The following KIAA1671 variants were observed in gnomAD, a reference collection of about 807,000 sequenced individuals.
KIAA1671 encodes the protein uncharacterized protein KIAA1671.
In KIAA1671, 52 loss-of-function variants were observed where a neutral mutation model predicts 131.2. The observed-to-expected ratio is 0.40, with a 90% CI of 0.32 to 0.50. The LOEUF (loss-of-function observed/expected upper bound fraction) is 0.50, where lower values mean the gene tolerates loss of function less well. KIAA1671 is among the 20% of genes least tolerant of loss of function. The probability of loss-of-function intolerance (pLI) is 0.73; values close to 1 mark genes in which losing one functional copy is unlikely to be tolerated. For synonymous variants in KIAA1671, 1,003 were observed against 961.6 expected (o/e 1.04, Z -0.80); for missense variants, 2,360 against 2,364.2 (o/e 1.00, Z 0.04).
intron 6 of KIAA1671, among the ~76,000 whole-genome samples, chr22:25,149,284 C>T (rs1932961433): frequency 6.6e-6 from 1 of 152,212 alleles, no homozygotes; most frequent in African/African-American, 2.4e-5. Context: ...GCCTGCTGAC[C>T]TGGGGTTCCT....
chr22:25,182,590 A>AT (rs1934331955), intron 10 of KIAA1671, among the ~76,000 whole-genome samples: 1 of 152,184 alleles, frequency 6.6e-6, no homozygotes, highest in Admixed American at 6.5e-5. Flanking sequence ...AAATTAGGAA[A>AT]TTGGCTTCTA....
intron 6 of KIAA1671, among the ~76,000 whole-genome samples, chr22:25,071,147 A>G (rs1928797294): frequency 1.3e-5 from 2 of 152,228 alleles, no homozygotes; most frequent in South Asian, 2.1e-4. Context: ...TGTGACATCC[A>G]TCAGGGCTCT....
At chr22:25,032,403 T>C (rs1602083328) in intron 3 of KIAA1671, among the ~76,000 whole-genome samples, 1 of 152,218 alleles carries the variant, frequency 6.6e-6, no homozygotes, top group African/African-American at 2.4e-5. Context: ...GACTAGCACC[T>C]GGGTGTCTTC....
At chr22:25,121,979 A>G (rs931241117) in intron 6 of KIAA1671, among the ~76,000 whole-genome samples, 2 of 152,154 alleles carry the variant, frequency 1.3e-5, no homozygotes, top group African/African-American at 4.8e-5. Context: ...GAATTGTGGG[A>G]TCTGGGAGTT....
At chr22:25,142,892 GTGAA>G (rs1476206912) in intron 6 of KIAA1671, among the ~76,000 whole-genome samples, 1 of 152,112 alleles carries the variant, frequency 6.6e-6, no homozygotes. Context: ...AATAAACCAG[GTGAA>G]TGAATCCAAG....
At chr22:25,113,893 C>T (rs1186165654) in intron 6 of KIAA1671, among the ~76,000 whole-genome samples, 1 of 152,170 alleles carries the variant, frequency 6.6e-6, no homozygotes, top group Non-Finnish European at 1.5e-5. Context: ...TTCTGCCTTG[C>T]TCTGTCTCTG....
rs1180910318 is a variant in KIAA1671 at position 25,196,796 on chromosome 22, G to T, written c.*4395G>T. 5 of 151,718 alleles carry T rather than the reference G, an allele frequency of 3.3e-5. No individual in the cohort carries two copies. Among genetic ancestry groups the T allele is most frequent in the Middle Eastern group, 3.2e-3 (1 of 314 alleles). 9.4% of individuals were successfully genotyped at this position (151,718 alleles called of 1,614,324 possible). A position where few individuals can be genotyped will look rare whatever the true frequency, so the allele number is the denominator to read the frequency against. On this transcript the variant is annotated 3_prime_UTR_variant, in exon 13 of 13. Transcript: ENST00000358431. ...CCTTATAGATCCTGTAAATAGGGGG[G>T]GTCACAAAAGTAATATATTGTGTTA...
intron 1 of KIAA1671, among the ~76,000 whole-genome samples, chr22:25,009,447 A>G (rs1438437950): frequency 1.3e-5 from 2 of 149,650 alleles, no homozygotes; most frequent in Non-Finnish European, 3.0e-5. Context: ...GTATTTTTAG[A>G]AGAGATGGGG....
chr22:24,991,345 A>G (rs901341141), intron 1 of KIAA1671, among the ~76,000 whole-genome samples: 7 of 151,804 alleles, frequency 4.6e-5, no homozygotes, highest in African/African-American at 1.7e-4. Context: ...ATTTTTAGGA[A>G]TGTCCCCTCT....
At chr22:25,076,301 G>C (rs1929106092) in intron 6 of KIAA1671, among the ~76,000 whole-genome samples, 1 of 151,966 alleles carries the variant, frequency 6.6e-6, no homozygotes, top group African/African-American at 2.4e-5. Flanking sequence ...TTATTCCCAG[G>C]TGTTTATTGT....
At chr22:25,011,851 G>C (rs1168557928) in intron 1 of KIAA1671, 1 of 152,042 alleles carries the variant, frequency 6.6e-6, no homozygotes, top group Non-Finnish European at 1.5e-5. Flanking sequence ...TGGCCAGGCT[G>C]TTCTTGAACT....
At chr22:24,977,910 T>G (rs773156950) in intron 1 of KIAA1671, among the ~76,000 whole-genome samples, 21 of 152,182 alleles carry the variant, frequency 1.4e-4, no homozygotes, top group Non-Finnish European at 2.6e-4. Flanking sequence ...GCTAAAAATG[T>G]CCCTGGACCT....
chr22:24,995,046 G>GT (rs199745960), intron 1 of KIAA1671, among the ~76,000 whole-genome samples: 391 of 136,446 alleles, frequency 2.9e-3, no homozygotes, highest in Middle Eastern at 3.9e-3. Context: ...TGTATGTTAG[G>GT]TTTTTTTTTT....
intron 12 of KIAA1671, 131 bp downstream of exon 12, chr22:25,190,915 A>C: frequency 1.5e-5 from 8 of 549,088 alleles, no homozygotes; most frequent in Non-Finnish European, 1.3e-5. Context: ...GGGAAGAATG[A>C]GGGGTGGGGG....
chr22:25,098,184 GAGC>G (rs1930482750), intron 6 of KIAA1671, among the ~76,000 whole-genome samples: 1 of 152,204 alleles, frequency 6.6e-6, no homozygotes, highest in African/African-American at 2.4e-5. Flanking sequence ...TTGGAGGAGA[GAGC>G]AGCAGAGAAG....
intron 6 of KIAA1671, among the ~76,000 whole-genome samples, chr22:25,165,265 A>T (rs1304860650): frequency 6.6e-6 from 1 of 152,206 alleles, no homozygotes; most frequent in African/African-American, 2.4e-5. Flanking sequence ...GTTAAAGAGC[A>T]GAGAATGCAG....
At chr22:25,033,340 T>C (rs992216429) in intron 4 of KIAA1671, among the ~76,000 whole-genome samples, 6 of 152,096 alleles carry the variant, frequency 3.9e-5, no homozygotes, top group Non-Finnish European at 8.8e-5. Flanking sequence ...CAGTGAGCCA[T>C]GATCATGCCA....
chr22:25,002,890 C>T (rs1485188964), intron 1 of KIAA1671, among the ~76,000 whole-genome samples: 1 of 152,058 alleles, frequency 6.6e-6, no homozygotes, highest in Non-Finnish European at 1.5e-5. Context: ...AACAATTCTC[C>T]AGCCTCAGCC....
Position 25,039,987 on chromosome 22 carries a change from C to T in KIAA1671, c.2857C>T (p.Pro953Ser), listed in dbSNP as rs1926824417. Residue 953 changes from proline (P) to serine (S), a missense_variant, in exon 5 of 13, where the codon CCC becomes TCC. Coordinates refer to ENST00000358431, the MANE Select transcript of KIAA1671 (RefSeq NM_001145206.2). Reference sequence around the variant, plus strand: ...GGACAGATGGCGGCGGCGGACTTTACCCCCCAACGTGAAATTTGATACATT... The same window carrying T: ...GGACAGATGGCGGCGGCGGACTTTATCCCCCAACGTGAAATTTGATACATT... Reference protein sequence around the residue: ...RMDRWRRRTLPPNVKFDTFSS... With the variant: ...RMDRWRRRTLSPNVKFDTFSS... 4 of 1,551,230 alleles carry T rather than the reference C, an allele frequency of 2.6e-6. No individual in the cohort carries two copies. Among genetic ancestry groups the T allele is most frequent in the East Asian group, 2.4e-5 (1 of 40,902 alleles).
Sources: gnomAD v4.1 joint callset for allele counts (sites outside exome capture counted in the v4.1 genomes callset) on GRCh38, gnomAD v4.1.1 for gene constraint, MANE v1.5 for transcripts, NCBI Gene and HGNC (gene_info 2026-07-23, HGNC 2026-07-21) for gene names.